KATNAL1: variants seen among roughly 807,000 people sequenced by gnomAD.
KATNAL1 encodes the protein katanin p60 ATPase-containing subunit A-like 1.
In KATNAL1, 32 loss-of-function variants were observed where a neutral mutation model predicts 55.2. That is an observed-to-expected ratio of 0.58 (90% CI 0.44 to 0.78). KATNAL1 has a LOEUF of 0.78. Among genes scored for constraint, KATNAL1 ranks in the 30% least tolerant of loss-of-function variants. The pLI is 0.00. For missense variants in KATNAL1, 466 were observed against 600.9 expected, an observed-to-expected ratio of 0.78 and a Z score of 2.35; for synonymous variants, 193 against 193.6, an observed-to-expected ratio of 1.00 and a Z score of 0.02.
At position 30,227,454 on chromosome 13, in the gene KATNAL1, G is replaced by A. The variant is rs200577839; in HGVS notation, c.1105C>T (p.Arg369Ter). 3.1e-6 allele frequency: 5 copies of A among 1,613,696 alleles called. No homozygotes were observed. Among genetic ancestry groups the A allele is most frequent in the South Asian group, 1.1e-5 (1 of 91,062 alleles). Reference sequence around the variant, plus strand: ...TATATCCTTTTTTCTAACCTTCTTCGCAAAGCTTCATCAATGTCCCACGGG... The same window carrying A: ...TATATCCTTTTTTCTAACCTTCTTCACAAAGCTTCATCAATGTCCCACGGG... ...NFPWDIDEAL[R>*]RRLEKRIYIP... Residue 369 changes from arginine to a stop codon, truncating the protein, a stop_gained, in exon 9 of 11, where the codon CGA (arginine) becomes TGA (stop). Coordinates refer to ENST00000380615, the MANE Select transcript of KATNAL1 (RefSeq NM_032116.5). LOFTEE classifies it high-confidence loss of function.
intron 9 of KATNAL1, among the ~76,000 whole-genome samples, chr13:30,226,128 CAT>C (rs1461209809): frequency 6.6e-6 from 1 of 152,146 alleles, no homozygotes; most frequent in Non-Finnish European, 1.5e-5. Context: ...GACAACACCA[CAT>C]GTTGGCAAGG....
chr13:30,248,952 A>G (rs375795919), intron 4 of KATNAL1, among the ~76,000 whole-genome samples: 226 of 152,166 alleles, frequency 1.5e-3, no homozygotes, highest in African/African-American at 5.1e-3. Context: ...CCAGCTACTC[A>G]GGAGGCTGAG....
At chr13:30,247,362 T>C (rs138100068) in intron 4 of KATNAL1, among the ~76,000 whole-genome samples, 1 of 152,220 alleles carries the variant, frequency 6.6e-6, no homozygotes, top group South Asian at 2.1e-4. Flanking sequence ...TGAGTGTTAA[T>C]ACATTTAAAT....
chr13:30,222,025 C>T (rs1278437174), intron 9 of KATNAL1, among the ~76,000 whole-genome samples: 19 of 151,756 alleles, frequency 1.3e-4, no homozygotes, highest in Admixed American at 9.2e-4. Flanking sequence ...CCCTCCAGCC[C>T]GGGCAACAAG....
Position 30,297,232 on chromosome 13 carries a change from G to A in KATNAL1, c.-15+10099C>T, listed in dbSNP as rs113686244. Among the ~76,000 whole-genome samples the A allele has an allele frequency of 7.3e-3, 1,111 of 151,846 alleles. 23 individuals carry two copies. Among genetic ancestry groups the A allele is most frequent in the African/African-American group, 0.026 (1,064 of 41,390 alleles). ...GAAGAGAGGAAAAAGAGAAGAAGGAGGAAGAAGAAATTGCCACAGCCACCC... is the reference window on the plus strand; with the variant it reads ...GAAGAGAGGAAAAAGAGAAGAAGGAAGAAGAAGAAATTGCCACAGCCACCC... On this transcript the variant is annotated intron_variant, in intron 1 of 10. Transcript: ENST00000380615.
chr13:30,300,564 G>A (rs1278977690), intron 1 of KATNAL1, among the ~76,000 whole-genome samples: 1 of 151,742 alleles, frequency 6.6e-6, no homozygotes, highest in Admixed American at 6.6e-5. Context: ...TCCAGTTTAT[G>A]TCATACAATG....
At chr13:30,211,733 C>T (rs1015307677) in intron 9 of KATNAL1, among the ~76,000 whole-genome samples, 1 of 152,070 alleles carries the variant, frequency 6.6e-6, no homozygotes, top group African/African-American at 2.4e-5. Context: ...AAAATGTTCA[C>T]AGAAATGGAA....
At chr13:30,230,623 T>G in intron 7 of KATNAL1, 29 bp from the exon 8 acceptor site, 1 of 1,521,032 alleles carries the variant, frequency 6.6e-7, no homozygotes, top group Non-Finnish European at 9.0e-7. Context: ...AAGAAATCAT[T>G]CAATAATCTC....
chr13:30,269,246 T>C (rs965481778), intron 3 of KATNAL1, among the ~76,000 whole-genome samples: 1 of 152,218 alleles, frequency 6.6e-6, no homozygotes, highest in East Asian at 1.9e-4. Flanking sequence ...CACGCCTGAC[T>C]GGTTTTCGTA....
chr13:30,260,612 G>C (rs1428181016), intron 3 of KATNAL1, among the ~76,000 whole-genome samples: 1 of 152,156 alleles, frequency 6.6e-6, no homozygotes, highest in Non-Finnish European at 1.5e-5. Flanking sequence ...CTGGAAGAAA[G>C]GGTATCAGCG....
In KATNAL1 at chr13:30,279,024, G is replaced by C. The variant is rs1373694263; in HGVS notation, c.323+1039C>G. Among the ~76,000 whole-genome samples, 4 of 152,292 alleles carry C rather than the reference G, an allele frequency of 2.6e-5. No individual in the cohort carries two copies. In the East Asian group the frequency reaches 7.7e-4, roughly 29 times the overall value. The stretch of plus-strand genomic sequence containing the variant: ...AGGAATAAATTAAATGCTTTTCATA[G>C]TTCTTAAAATGTTTTTAGAAAATTT... On this transcript the variant is annotated intron_variant, in intron 3 of 10. Transcript: ENST00000380615.
intron 9 of KATNAL1, 120 bp downstream of exon 9, chr13:30,227,292 C>A: frequency 2.2e-6 from 2 of 912,318 alleles, no homozygotes; most frequent in Non-Finnish European, 3.3e-6. Flanking sequence ...ACATCTACTA[C>A]AAATTAATTT....
intron 2 of KATNAL1, among the ~76,000 whole-genome samples, chr13:30,281,577 G>C (rs1259154579): frequency 6.6e-6 from 1 of 152,106 alleles, no homozygotes; most frequent in Non-Finnish European, 1.5e-5. Context: ...ATATAACTTG[G>C]TAACATTTAA....
At chr13:30,253,772 C>T (rs192154584) in intron 4 of KATNAL1, among the ~76,000 whole-genome samples, 41 of 152,096 alleles carry the variant, frequency 2.7e-4, no homozygotes, top group Middle Eastern at 3.4e-3. Flanking sequence ...TGTTCTGGAT[C>T]TCTTTTGGTA....
intron 9 of KATNAL1, among the ~76,000 whole-genome samples, chr13:30,212,371 T>C (rs1357573549): frequency 6.6e-6 from 1 of 152,202 alleles, no homozygotes; most frequent in Non-Finnish European, 1.5e-5. Flanking sequence ...GACTACCCAA[T>C]AGCCAGCGTG....
chr13:30,249,468 A>C (rs1878099618), intron 4 of KATNAL1, among the ~76,000 whole-genome samples: 1 of 152,178 alleles, frequency 6.6e-6, no homozygotes, highest in African/African-American at 2.4e-5. Flanking sequence ...AAGCAGCATT[A>C]CTCACAAGAG....
At chr13:30,233,039 T>C (rs1328433088) in intron 6 of KATNAL1, among the ~76,000 whole-genome samples, 2 of 152,194 alleles carry the variant, frequency 1.3e-5, no homozygotes, top group Non-Finnish European at 2.9e-5. Flanking sequence ...GGGGAAATGC[T>C]ACAGGACATC....
At chr13:30,300,614 T>C (rs888642143) in intron 1 of KATNAL1, among the ~76,000 whole-genome samples, 3 of 152,142 alleles carry the variant, frequency 2.0e-5, no homozygotes, top group Non-Finnish European at 4.4e-5. Context: ...CACATAACCA[T>C]GACTTCTCAA....
chr13:30,229,035 G>T (rs1409895303), intron 8 of KATNAL1, among the ~76,000 whole-genome samples: 1 of 152,238 alleles, frequency 6.6e-6, no homozygotes, highest in Admixed American at 6.5e-5. Flanking sequence ...CTACAGGCAT[G>T]AGCCATTGCA....
Sources: allele counts gnomAD v4.1 joint callset (sites outside exome capture counted in the v4.1 genomes callset), GRCh38; gene constraint gnomAD v4.1.1; transcripts MANE v1.5; gene names NCBI Gene and HGNC (gene_info 2026-07-23, HGNC 2026-07-21).